COA7: variants seen among roughly 807,000 people sequenced by gnomAD.
The protein encoded by COA7 is cytochrome c oxidase assembly factor 7.
A neutral mutation model predicts 21.0 loss-of-function variants in COA7; 12 were observed. The ratio of observed to expected loss-of-function variants is 0.57; its 90% CI spans 0.37 to 0.92. The LOEUF (loss-of-function observed/expected upper bound fraction) is 0.92, where lower values mean the gene tolerates loss of function less well. Among genes scored for constraint, COA7 ranks in the 40% least tolerant of loss-of-function variants. The pLI is 0.01. For synonymous variants in COA7, 95 were observed against 107.4 expected (o/e 0.88, Z 0.72); for missense variants, 240 against 286.1 (o/e 0.84, Z 1.16).
Position 52,687,451 on chromosome 1 carries a change from A to T in COA7, c.*269T>A. On this transcript the variant is annotated 3_prime_UTR_variant, in exon 3 of 3. Coordinates refer to ENST00000371538, the MANE Select transcript of COA7 (RefSeq NM_023077.3). ...TTTGAAAACTAAGACCCCCATAAACATGGCTATCTTCACAGAACATCCAGA... is the reference window on the plus strand; with the variant it reads ...TTTGAAAACTAAGACCCCCATAAACTTGGCTATCTTCACAGAACATCCAGA... The T allele has an allele frequency of 2.3e-6, 1 of 436,382 alleles. No individual in the cohort carries two copies. The highest frequency in any genetic ancestry group is 3.8e-5 in the Admixed American group (1 of 26,618). 27.0% of individuals were successfully genotyped at this position (436,382 alleles called of 1,614,324 possible).
At chr1:52,693,588 A>G (rs942365337) in intron 1 of COA7, among the ~76,000 whole-genome samples, 4 of 150,646 alleles carry the variant, frequency 2.7e-5, no homozygotes, top group Non-Finnish European at 5.9e-5. Flanking sequence ...CCTGGGTGAC[A>G]GAACGAGACT....
chr1:52,687,601 A>C lies in COA7; in HGVS notation c.*119T>G. 1 of 881,554 alleles carries C rather than the reference A, an allele frequency of 1.1e-6. No homozygotes were observed. Among genetic ancestry groups the C allele is most frequent in the Non-Finnish European group, 1.7e-6 (1 of 573,398 alleles). The allele number at this position is 881,554 out of a possible 1,614,324, so 54.6% of individuals were successfully genotyped here. A position where few individuals can be genotyped will look rare whatever the true frequency, so the allele number is the denominator to read the frequency against. ...ATGGATCCATGTAAATGGAGCTACA[A>C]ATTCAAGTCCCAAGTTTTTTTGCTC... On this transcript the variant is annotated 3_prime_UTR_variant, in exon 3 of 3. Coordinates refer to ENST00000371538, the MANE Select transcript of COA7 (RefSeq NM_023077.3).
chr1:52,692,476 T>C (rs1644054509), intron 2 of COA7, among the ~76,000 whole-genome samples: 1 of 152,170 alleles, frequency 6.6e-6, no homozygotes, highest in Non-Finnish European at 1.5e-5. Context: ...ACAGGTGATG[T>C]AACTGAGGCA....
At chr1:52,692,890 G>A in intron 1 of COA7, 23 bp from the exon 2 acceptor site, 2 of 1,613,684 alleles carry the variant, frequency 1.2e-6, no homozygotes, top group Non-Finnish European at 1.7e-6. Context: ...GGCAAGGGTT[G>A]TTCTTCATGT....
At position 52,698,341 on chromosome 1, in the gene COA7, C is replaced by T. The variant is rs200448543; in HGVS notation, c.-15G>A. 130 of 1,594,134 alleles carry T rather than the reference C, an allele frequency of 8.2e-5. No individual in the cohort carries two copies. In the East Asian group the frequency reaches 2.7e-3, roughly 33 times the overall value. ...ATGCCGGCCATGGTTCGCGCCGGCC[C>T]AAAGACGGTCACGTGAGCCGGCGGA... On this transcript the variant is annotated 5_prime_UTR_variant, in exon 1 of 3. Coordinates refer to ENST00000371538, the MANE Select transcript of COA7 (RefSeq NM_023077.3).
At chr1:52,698,172 G>T (rs953606442) in intron 1 of COA7, 49 bp downstream of exon 1, 2 of 1,358,732 alleles carry the variant, frequency 1.5e-6, no homozygotes, top group African/African-American at 1.4e-5. Flanking sequence ...AGACCTCTCC[G>T]GGCACGTCCC....
intron 2 of COA7, among the ~76,000 whole-genome samples, chr1:52,690,994 C>T (rs1010769303): frequency 4.6e-5 from 7 of 151,988 alleles, no homozygotes; most frequent in Non-Finnish European, 1.0e-4. Context: ...CCTGTAATCC[C>T]AGCTACTCGG....
chr1:52,695,759 G>C (rs1644079670), intron 1 of COA7, among the ~76,000 whole-genome samples: 1 of 152,086 alleles, frequency 6.6e-6, no homozygotes. Context: ...TAAGAAAGTG[G>C]GACATGCAAG....
chr1:52,689,902 C>A (rs1377875757), intron 2 of COA7, among the ~76,000 whole-genome samples: 1 of 151,992 alleles, frequency 6.6e-6, no homozygotes, highest in Non-Finnish European at 1.5e-5. Flanking sequence ...TGGCAGGGGC[C>A]TGTAATGCCA....
chr1:52,690,461 A>G (rs7538495), intron 2 of COA7, among the ~76,000 whole-genome samples: 3,700 of 151,688 alleles, frequency 0.024, 118 homozygotes, highest in African/African-American at 0.08. Context: ...TTGGATCACA[A>G]ATGCTACTTG....
At chr1:52,690,665 T>C (rs1437620889) in intron 2 of COA7, among the ~76,000 whole-genome samples, 2 of 141,564 alleles carry the variant, frequency 1.4e-5, no homozygotes, top group Admixed American at 1.4e-4. Flanking sequence ...TTCATTTATT[T>C]ACATTTATTT....
Position 52,688,000 on chromosome 1 carries a change from G to A in COA7, c.416C>T (p.Thr139Ile), listed in dbSNP as rs1319751450. 6.2e-7 allele frequency: 1 copy of A among 1,614,184 alleles called. No individual in the cohort carries two copies. Among genetic ancestry groups the A allele is most frequent in the South Asian group, 1.1e-5 (1 of 91,086 alleles). Residue 139 changes from threonine (T) to isoleucine (I), a missense_variant, in exon 3 of 3, where the codon ACA (threonine) becomes ATA (isoleucine). Physicochemically the swap from Thr to Ile is moderately conservative, Grantham distance 89 (BLOSUM62 -1). Around this residue, in one of 3 missense-constraint regions of COA7, gnomAD observed 163 missense variants for 214.1 expected, o/e 0.76. Transcript: ENST00000371538. The stretch of plus-strand genomic sequence containing the variant: ...AGTATAGCCACCATCACAGGCCCTT[G>A]TGTAGTAGTCCCTGGCCTTTCCCAA... The part of the protein sequence containing the change: ...PDLGKARDYY[T>I]RACDGGYTSS...
intron 1 of COA7, among the ~76,000 whole-genome samples, chr1:52,695,418 T>C (rs1644077416): frequency 6.6e-6 from 1 of 151,768 alleles, no homozygotes; most frequent in African/African-American, 2.4e-5. Context: ...TGAGCTGAGA[T>C]TGCACCACTG....
chr1:52,689,665 G>A (rs1372228344), intron 2 of COA7, among the ~76,000 whole-genome samples: 5 of 151,766 alleles, frequency 3.3e-5, no homozygotes, highest in East Asian at 2.0e-4. Context: ...CGAGGTGGGC[G>A]GATCACCTGA....
At chr1:52,690,442 T>C (rs1351242509) in intron 2 of COA7, among the ~76,000 whole-genome samples, 5 of 151,414 alleles carry the variant, frequency 3.3e-5, no homozygotes, top group African/African-American at 9.7e-5. Context: ...ATAGAAGTGT[T>C]TGGAAAAATT....
chr1:52,689,718 C>G (rs1287719682), intron 2 of COA7, among the ~76,000 whole-genome samples: 1 of 151,480 alleles, frequency 6.6e-6, no homozygotes, highest in Non-Finnish European at 1.5e-5. Flanking sequence ...TGGTAAAACC[C>G]CATTTCTACA....
intron 1 of COA7, among the ~76,000 whole-genome samples, chr1:52,696,632 A>G (rs1644085346): frequency 6.6e-6 from 1 of 151,866 alleles, no homozygotes; most frequent in Non-Finnish European, 1.5e-5. Context: ...GCAAGCTATT[A>G]GAAGGTAGGG....
intron 1 of COA7, among the ~76,000 whole-genome samples, chr1:52,694,155 T>C (rs1441170973): frequency 2.0e-5 from 3 of 152,050 alleles, no homozygotes; most frequent in Non-Finnish European, 4.4e-5. Context: ...ACCTAACAGG[T>C]ACAAGTGCAT....
chr1:52,687,857 A>G lies in COA7; in HGVS notation c.559T>C (p.Cys187Arg). The G allele has an allele frequency of 1.2e-6, 2 of 1,614,256 alleles. No individual in the cohort carries two copies. The highest frequency in any genetic ancestry group is 8.5e-7 in the Non-Finnish European group (1 of 1,180,048). Residue 187 changes from cysteine (C) to arginine (R), a missense_variant, in exon 3 of 3, where the codon TGT (cysteine) becomes CGT (arginine). Physicochemically the swap from Cys to Arg is radical, Grantham distance 180. Transcript: ENST00000371538. ...KACDLGHIWA[C>R]ANASRMYKLG... ...TTGTACATGCGACTGGCATTGGCAC[A>G]GGCCCAGATATGACCCAGGTCACAG... is the stretch of plus-strand genomic sequence containing the variant.
Sources: gnomAD v4.1 joint callset for allele counts (sites outside exome capture counted in the v4.1 genomes callset) on GRCh38, gnomAD v4.1.1 for gene constraint, gnomAD v4.1.1 regional missense constraint, MANE v1.5 for transcripts, NCBI Gene and HGNC (gene_info 2026-07-23, HGNC 2026-07-21) for gene names.